The following EML5 variants were observed in gnomAD, a reference collection of about 807,000 sequenced individuals.
EML5 encodes the protein echinoderm microtubule-associated protein-like 5.
Under a neutral mutation model 250.0 loss-of-function variants are expected in EML5, and 120 were observed. The observed-to-expected ratio is 0.48, with a 90% confidence interval of 0.41 to 0.56. The LOEUF (loss-of-function observed/expected upper bound fraction) is 0.56. Ranked by LOEUF, EML5 falls within the 20% of genes least tolerant of loss-of-function variation. The probability of loss-of-function intolerance (pLI) is 0.00; values close to 1 mark genes in which losing one functional copy is unlikely to be tolerated. For missense variants in EML5, 2,006 were observed against 2,437.6 expected (o/e 0.82, Z 3.73); for synonymous variants, 771 against 806.5 (o/e 0.96, Z 0.75).
intron 31 of EML5, 31 bp downstream of exon 31, chr14:88,642,862 G>T: frequency 1.3e-6 from 2 of 1,563,532 alleles, no homozygotes; most frequent in African/African-American, 1.4e-5. Context: ...TAAAAAAATT[G>T]ATAGAGGGAT....
intron 7 of EML5, among the ~76,000 whole-genome samples, chr14:88,732,250 T>G (rs1309499817): frequency 6.6e-6 from 1 of 152,190 alleles, no homozygotes; most frequent in Non-Finnish European, 1.5e-5. Flanking sequence ...GTATAAGGTG[T>G]AAGGAAGGGA....
At chr14:88,707,984 T>A (rs2093346106) in intron 10 of EML5, among the ~76,000 whole-genome samples, 1 of 152,168 alleles carries the variant, frequency 6.6e-6, no homozygotes, top group Non-Finnish European at 1.5e-5. Flanking sequence ...ATTTGTTATG[T>A]TAGGACAATT....
intron 22 of EML5, 32 bp from the exon 23 acceptor site, chr14:88,664,656 CTA>C: frequency 6.3e-7 from 1 of 1,591,606 alleles, no homozygotes; most frequent in Non-Finnish European, 8.5e-7. Flanking sequence ...TTGACATTTT[CTA>C]TCTTTGGAAA....
chr14:88,693,325 G>A (rs1472753317), intron 17 of EML5, among the ~76,000 whole-genome samples: 1 of 152,172 alleles, frequency 6.6e-6, no homozygotes, highest in African/African-American at 2.4e-5. Flanking sequence ...CACATGGCTG[G>A]GGAGCCTCAC....
At chr14:88,724,000 G>A (rs987545986) in intron 8 of EML5, among the ~76,000 whole-genome samples, 2 of 151,974 alleles carry the variant, frequency 1.3e-5, no homozygotes, top group Non-Finnish European at 2.9e-5. Context: ...GCCGGGCACA[G>A]TAGCTCACGC....
chr14:88,735,940 A>G (rs1319827705), intron 7 of EML5, among the ~76,000 whole-genome samples: 1 of 151,868 alleles, frequency 6.6e-6, no homozygotes, highest in Non-Finnish European at 1.5e-5. Context: ...AATTTTCAGT[A>G]TTACTTATGT....
intron 7 of EML5, among the ~76,000 whole-genome samples, chr14:88,732,427 C>G (rs1036564255): frequency 1.3e-5 from 2 of 152,082 alleles, no homozygotes; most frequent in South Asian, 4.1e-4. Flanking sequence ...TGGTCTATAT[C>G]TCTGTTTTGG....
Position 88,626,841 on chromosome 14 carries a change from A to G in EML5, c.4737T>C (p.Gly1579=). Reference sequence around the variant, plus strand: ...ATGTGCATTTTAAGAGACATACTGCACCAAATGCAATAGCGAGCATGGTCT... The same window carrying G: ...ATGTGCATTTTAAGAGACATACTGCGCCAAATGCAATAGCGAGCATGGTCT... ...RMQTMLAIAF[G]ANNLTFTGTI... Residue 1579 remains glycine, a synonymous_variant, in exon 35 of 44, where the codon GGT becomes GGC. Transcript: ENST00000554922. The G allele has an allele frequency of 1.2e-6, 2 of 1,613,862 alleles. No individual in the cohort carries two copies. Among genetic ancestry groups the G allele is most frequent in the Non-Finnish European group, 1.7e-6 (2 of 1,179,816 alleles).
At chr14:88,708,633 C>A (rs1170557937) in intron 10 of EML5, among the ~76,000 whole-genome samples, 1 of 152,018 alleles carries the variant, frequency 6.6e-6, no homozygotes, top group Admixed American at 6.6e-5. Flanking sequence ...CTATAATGCA[C>A]AGAAGAGGGC....
chr14:88,618,339 A>G lies in EML5; in HGVS notation c.5539-8T>C. On this transcript the variant is annotated splice_region_variant and splice_polypyrimidine_tract_variant and intron_variant, in intron 40 of 43. Coordinates refer to ENST00000554922, the MANE Select transcript of EML5 (RefSeq NM_183387.3). ...ATAGCAGCCACTAGAGACCTTTTTCATCAGATTAAAATGGGACAAGAATTC... is the reference window on the plus strand; with the variant it reads ...ATAGCAGCCACTAGAGACCTTTTTCGTCAGATTAAAATGGGACAAGAATTC... 6.2e-7 allele frequency: 1 copy of G among 1,612,118 alleles called. No homozygotes were observed. Among genetic ancestry groups the G allele is most frequent in the East Asian group, 2.2e-5 (1 of 44,850 alleles).
chr14:88,694,339 C>T lies in EML5; in HGVS notation c.2507G>A (p.Gly836Glu). The change falls in exon 17 of 44, where the codon GGA becomes GAA. Residue 836 changes from glycine (G) to glutamate (E), a missense_variant. Gly to Glu is a moderately conservative substitution (Grantham distance 98). This residue lies in a region of EML5 where 1,375 missense variants were observed against 1,590.3 expected (regional missense o/e 0.86). Coordinates refer to ENST00000554922, the MANE Select transcript of EML5 (RefSeq NM_183387.3). ...PYVPDKLITA[G>E]IKHMKFWRKA... ...ACGCCAAAATTTCATGTGTTTAATT[C>T]CAGCTGTAATTAGTTTATCAGGCAC... The T allele has an allele frequency of 6.3e-7, 1 of 1,593,186 alleles. No individual in the cohort carries two copies.
chr14:88,684,940 C>T, intron 20 of EML5, 75 bp downstream of exon 20: 1 of 1,271,242 alleles, frequency 7.9e-7, no homozygotes. Context: ...TCATCACTGT[C>T]AACTTTTGGC....
intron 27 of EML5, among the ~76,000 whole-genome samples, chr14:88,654,746 T>C (rs1283166702): frequency 6.6e-6 from 1 of 152,176 alleles, no homozygotes; most frequent in Non-Finnish European, 1.5e-5. Context: ...CTGAGAAGAA[T>C]GTATATTCTG....
chr14:88,730,002 A>C (rs2093730463), intron 7 of EML5, among the ~76,000 whole-genome samples: 1 of 152,032 alleles, frequency 6.6e-6, no homozygotes, highest in African/African-American at 2.4e-5. Flanking sequence ...TTCTTAGTAC[A>C]TTACAATTTT....
At position 88,618,262 on chromosome 14, in the gene EML5, C is replaced by T. The variant is rs370143623; in HGVS notation, c.5608G>A (p.Ala1870Thr). 20 of 1,613,548 alleles carry T rather than the reference C, an allele frequency of 1.2e-5. No individual in the cohort carries two copies. Among genetic ancestry groups the T allele is most frequent in the African/African-American group, 2.7e-5 (2 of 74,890 alleles). Reference sequence around the variant, plus strand: ...GTAGCCCAAGTAATTCTGTCAATAGCGGCATGATCCATAAGATGTTTTCCT... The same window carrying T: ...GTAGCCCAAGTAATTCTGTCAATAGTGGCATGATCCATAAGATGTTTTCCT... ...PSGKHLMDHA[A>T]IDRITWATWT... Residue 1870 changes from alanine (A) to threonine (T), a missense_variant, in exon 41 of 44, where the codon GCT becomes ACT. Transcript: ENST00000554922.
chr14:88,679,737 C>CA (rs982065971), intron 21 of EML5, among the ~76,000 whole-genome samples: 57 of 150,500 alleles, frequency 3.8e-4, no homozygotes, highest in African/African-American at 1.3e-3. Context: ...ATAGTCCCTA[C>CA]AAAAAAAAAC....
In EML5 at chr14:88,792,486, G is replaced by A. The variant is rs1297371391; in HGVS notation, c.18C>T (p.Ala6=). Reference sequence around the variant, plus strand: ...ACTCGAGCCGCAGGTGGCAGCTCGGGGCGCTCCGGGCCGCCATGTCGGGGC... The same window carrying A: ...ACTCGAGCCGCAGGTGGCAGCTCGGAGCGCTCCGGGCCGCCATGTCGGGGC... MAARS[A]PSCHLRLEWV... The change falls in exon 1 of 44, where the codon GCC becomes GCT. Residue 6 remains alanine, a synonymous_variant. Coordinates refer to ENST00000554922, the MANE Select transcript of EML5 (RefSeq NM_183387.3). This position sits in a 1 kb window ranked among gnomAD's most constrained non-coding sequence, Gnocchi z 6.9. 13 of 1,450,018 alleles carry A rather than the reference G, an allele frequency of 9.0e-6. No homozygotes were observed. The highest frequency in any genetic ancestry group is 3.0e-5 in the East Asian group (1 of 33,570). 89.8% of individuals were successfully genotyped at this position (1,450,018 alleles called of 1,614,324 possible).
intron 9 of EML5, among the ~76,000 whole-genome samples, chr14:88,713,619 A>ATTT (rs71130004): frequency 7.7e-6 from 1 of 130,228 alleles, no homozygotes; most frequent in Non-Finnish European, 1.6e-5. Context: ...CAACCTGCTC[A>ATTT]TTTTTTTTTT....
intron 25 of EML5, among the ~76,000 whole-genome samples, chr14:88,660,202 G>C (rs113201733): frequency 2.8e-4 from 42 of 151,534 alleles, no homozygotes; most frequent in African/African-American, 9.9e-4. Flanking sequence ...AGGATAACTT[G>C]GGTCTGGAAG....
Sources: gnomAD v4.1 joint callset for allele counts (sites outside exome capture counted in the v4.1 genomes callset) on GRCh38, gnomAD v4.1.1 for gene constraint, gnomAD v4.1.1 regional missense constraint, Gnocchi (gnomAD v3.1) non-coding constraint, MANE v1.5 for transcripts, NCBI Gene and HGNC (gene_info 2026-07-23, HGNC 2026-07-21) for gene names.